MSI2: variants seen among roughly 807,000 people sequenced by gnomAD.
MSI2 encodes the protein RNA-binding protein Musashi homolog 2.
MSI2 carries 17 observed loss-of-function variants against 45.6 expected under a neutral mutation model. The ratio of observed to expected loss-of-function variants is 0.37; its 90% CI spans 0.26 to 0.56. The LOEUF (loss-of-function observed/expected upper bound fraction) is 0.56. Ranked by LOEUF, MSI2 falls within the 20% of genes least tolerant of loss-of-function variation. The pLI is 0.77. For missense variants in MSI2, 293 were observed against 444.2 expected (o/e 0.66, Z 3.06); for synonymous variants, 156 against 158.2 (o/e 0.99, Z 0.11).
chr17:57,682,863 C>T lies in MSI2; in HGVS notation c.*3346C>T, dbSNP rs1004416068. The T allele has an allele frequency of 8.5e-5, 19 of 224,458 alleles. No individual in the cohort carries two copies. The highest frequency in any genetic ancestry group is 3.7e-4 in the South Asian group (2 of 5,436). 13.9% of individuals were successfully genotyped at this position (224,458 alleles called of 1,614,324 possible). ...GAACTCCTCTCCTCCCAAGCAGAGG[C>T]GAGTGAGTGGCATTAGCTCCCGGAC... On this transcript the variant is annotated 3_prime_UTR_variant, in exon 14 of 14. Coordinates refer to ENST00000284073, the MANE Select transcript of MSI2 (RefSeq NM_138962.4).
intron 12 of MSI2, among the ~76,000 whole-genome samples, 184 bp downstream of exon 12, chr17:57,675,310 C>T (rs1286551451): frequency 6.6e-6 from 1 of 152,180 alleles, no homozygotes; most frequent in Non-Finnish European, 1.5e-5. Flanking sequence ...GGGTGCCTCT[C>T]GTGTGGCTGT....
chr17:57,440,196 T>C (rs2084771369), intron 6 of MSI2, among the ~76,000 whole-genome samples: 1 of 152,176 alleles, frequency 6.6e-6, no homozygotes, highest in Admixed American at 6.5e-5. Context: ...ATGGGTGCCC[T>C]GTGCTCTAAT....
intron 5 of MSI2, among the ~76,000 whole-genome samples, chr17:57,324,010 C>T (rs924327055): frequency 7.2e-5 from 11 of 152,172 alleles, no homozygotes; most frequent in African/African-American, 2.7e-4. Context: ...CCTTAAGGAT[C>T]ACACACACAA....
chr17:57,619,330 G>A lies in MSI2; in HGVS notation c.652+3246G>A, dbSNP rs571487784. ...GGGACACAGTGCTTCACAAGCAGATGTGCTTCCTGCCCTCCGCGAGCTTGT... is the reference window on the plus strand; with the variant it reads ...GGGACACAGTGCTTCACAAGCAGATATGCTTCCTGCCCTCCGCGAGCTTGT... On this transcript the variant is annotated intron_variant, in intron 9 of 13. Transcript: ENST00000284073. 2.6e-4 allele frequency among the ~76,000 whole-genome samples: 40 copies of A among 152,366 alleles called. 2 individuals are homozygous for A. In the South Asian group the frequency reaches 8.1e-3, roughly 31 times the overall value.
intron 5 of MSI2, among the ~76,000 whole-genome samples, chr17:57,354,136 T>C (rs935148213): frequency 1.3e-5 from 2 of 152,210 alleles, no homozygotes; most frequent in Non-Finnish European, 2.9e-5. Context: ...TTTTCTATTA[T>C]CAAGTCAGTT....
chr17:57,627,736 A>G lies in MSI2; in HGVS notation c.727+433A>G. ...TCCCCGCCCTTGCTTCCTTTCCTCC[A>G]CCCCTCCTCCTCCTGCTCCGTCCTG... On this transcript the variant is annotated intron_variant, in intron 10 of 13. Transcript: ENST00000284073. The surrounding 1 kb of genome is among the most constrained non-coding windows in gnomAD (Gnocchi z 4.6). The G allele has an allele frequency of 5.1e-6, 1 of 195,876 alleles. No homozygotes were observed. 12.1% of individuals were successfully genotyped at this position (195,876 alleles called of 1,614,324 possible). A position where few individuals can be genotyped will look rare whatever the true frequency, so the allele number is the denominator to read the frequency against.
intron 6 of MSI2, among the ~76,000 whole-genome samples, chr17:57,518,079 C>T (rs1047986152): frequency 1.3e-5 from 2 of 152,132 alleles, no homozygotes; most frequent in African/African-American, 4.8e-5. Flanking sequence ...TTTCATCAGC[C>T]AGTCTTAAAG....
rs911974046 is a variant in MSI2 at position 57,627,160 on chromosome 17, C to T, written c.653-69C>T. The T allele has an allele frequency of 1.8e-4, 243 of 1,360,258 alleles. No individual in the cohort carries two copies. The highest frequency in any genetic ancestry group is 2.3e-4 in the Non-Finnish European group (220 of 949,234). 84.3% of individuals were successfully genotyped at this position (1,360,258 alleles called of 1,614,324 possible). ...TCAGGCTTTCCTCATTGCCACCCTC[C>T]GTGAGATTTTACCCCAGACCTGAGG... On this transcript the variant is annotated intron_variant, in intron 9 of 13. Transcript: ENST00000284073. The surrounding 1 kb of genome is among the most constrained non-coding windows in gnomAD (Gnocchi z 4.6).
At chr17:57,303,741 TC>T (rs1911618856) in intron 5 of MSI2, among the ~76,000 whole-genome samples, 1 of 152,158 alleles carries the variant, frequency 6.6e-6, no homozygotes, top group African/African-American at 2.4e-5. Context: ...AAGACACTAG[TC>T]CCTGCCTCCA....
chr17:57,423,201 G>A (rs1417339364), intron 6 of MSI2, among the ~76,000 whole-genome samples: 2 of 152,168 alleles, frequency 1.3e-5, no homozygotes, highest in Non-Finnish European at 2.9e-5. Flanking sequence ...GAAAATTAAT[G>A]GAATTAAATT....
At chr17:57,451,849 G>A (rs1251743320) in intron 6 of MSI2, among the ~76,000 whole-genome samples, 1 of 152,212 alleles carries the variant, frequency 6.6e-6, no homozygotes, top group Non-Finnish European at 1.5e-5. Context: ...AGTAGAGGCA[G>A]TTTGGTCTTT....
chr17:57,312,736 G>A lies in MSI2; in HGVS notation c.312+50544G>A, dbSNP rs147764436. On this transcript the variant is annotated intron_variant, in intron 5 of 13. Coordinates refer to ENST00000284073, the MANE Select transcript of MSI2 (RefSeq NM_138962.4). ...TGCTTGTGAAGGATTTTAGGATTTT[G>A]TATGTGTATGAATTAATGGGCCTGT... 2.0e-3 allele frequency among the ~76,000 whole-genome samples: 302 copies of A among 152,252 alleles called. 3 individuals are homozygous for A. Among genetic ancestry groups the A allele is most frequent in the African/African-American group, 7.1e-3 (294 of 41,544 alleles).
chr17:57,468,820 C>T (rs1278201945), intron 6 of MSI2, among the ~76,000 whole-genome samples: 1 of 152,008 alleles, frequency 6.6e-6, no homozygotes, highest in Non-Finnish European at 1.5e-5. Context: ...CTGAGGATGG[C>T]GAGCGCTGGG....
chr17:57,516,483 C>T (rs929846850), intron 6 of MSI2, among the ~76,000 whole-genome samples: 17 of 152,106 alleles, frequency 1.1e-4, no homozygotes, highest in African/African-American at 3.9e-4. Flanking sequence ...TACATCAAGC[C>T]GGGTACACTT....
Position 57,529,572 on chromosome 17 carries a change from C to A in MSI2, c.406-104C>A. 1 of 985,124 alleles carries A rather than the reference C, an allele frequency of 1.0e-6. No individual in the cohort carries two copies. The highest frequency in any genetic ancestry group is 1.6e-6 in the Non-Finnish European group (1 of 641,994). The allele number at this position is 985,124 out of a possible 1,614,324, so 61.0% of individuals were successfully genotyped here. A position where few individuals can be genotyped will look rare whatever the true frequency, so the allele number is the denominator to read the frequency against. ...AATATTTTTTGATAAGCAACTATTA[C>A]TTCTGTAATGGAAACTACCCCCTCA... On this transcript the variant is annotated intron_variant, in intron 6 of 13. Transcript: ENST00000284073. The surrounding 1 kb of genome is among the most constrained non-coding windows in gnomAD (Gnocchi z 5.3).
chr17:57,409,868 C>T (rs561154280), intron 6 of MSI2, among the ~76,000 whole-genome samples: 7 of 151,728 alleles, frequency 4.6e-5, no homozygotes, highest in Non-Finnish European at 5.9e-5. Context: ...ATTAACTGAG[C>T]GTGGTGGTGG....
At chr17:57,418,040 A>G (rs1321474361) in intron 6 of MSI2, among the ~76,000 whole-genome samples, 3 of 152,204 alleles carry the variant, frequency 2.0e-5, no homozygotes, top group Non-Finnish European at 2.9e-5. Flanking sequence ...TTGTCTGTAA[A>G]GGGTCAGATA....
At chr17:57,322,556 T>A (rs1169324918) in intron 5 of MSI2, among the ~76,000 whole-genome samples, 1 of 151,884 alleles carries the variant, frequency 6.6e-6, no homozygotes, top group Non-Finnish European at 1.5e-5. Flanking sequence ...AAATAAAAAC[T>A]CCCCAAGGAA....
chr17:57,384,511 A>G (rs2083651844), intron 5 of MSI2, among the ~76,000 whole-genome samples: 1 of 152,148 alleles, frequency 6.6e-6, no homozygotes, highest in African/African-American at 2.4e-5. Flanking sequence ...GCACCTTTTT[A>G]TGACTCAGCA....
Sources: allele counts gnomAD v4.1 joint callset (sites outside exome capture counted in the v4.1 genomes callset), GRCh38; gene constraint gnomAD v4.1.1; non-coding constraint Gnocchi (gnomAD v3.1); transcripts MANE v1.5; gene names NCBI Gene and HGNC (gene_info 2026-07-23, HGNC 2026-07-21).